The following NALCN variants were observed in gnomAD, a reference collection of about 807,000 sequenced individuals.
NALCN encodes the protein sodium leak channel, non-selective.
Under a neutral mutation model 225.3 loss-of-function variants are expected in NALCN, and 111 were observed. That is an observed-to-expected ratio of 0.49 (90% CI 0.42 to 0.58). The LOEUF (loss-of-function observed/expected upper bound fraction) is 0.58. Among genes scored for constraint, NALCN ranks in the 20% least tolerant of loss-of-function variants. NALCN has a pLI of 0.00. For missense variants in NALCN, 1,378 were observed against 2,202.4 expected, an observed-to-expected ratio of 0.63 and a Z score of 7.49; for synonymous variants, 764 against 769.0, an observed-to-expected ratio of 0.99 and a Z score of 0.11.
chr13:101,280,186 C>T (rs144380538), intron 10 of NALCN, among the ~76,000 whole-genome samples: 260 of 152,310 alleles, frequency 1.7e-3, no homozygotes, highest in Non-Finnish European at 3.0e-3. Flanking sequence ...ATGCACTCTT[C>T]ATTGCTGCCT....
intron 7 of NALCN, among the ~76,000 whole-genome samples, chr13:101,303,699 G>A (rs1018646549): frequency 6.6e-6 from 1 of 152,122 alleles, no homozygotes; most frequent in Non-Finnish European, 1.5e-5. Flanking sequence ...GCTGTGATCT[G>A]GCCTGCTTAT....
intron 10 of NALCN, among the ~76,000 whole-genome samples, chr13:101,279,877 A>AAAT (rs1053999426): frequency 2.0e-5 from 3 of 147,514 alleles, no homozygotes; most frequent in African/African-American, 7.4e-5. Flanking sequence ...ATAAATAAAT[A>AAAT]AAAAGAAGTG....
intron 7 of NALCN, among the ~76,000 whole-genome samples, chr13:101,310,431 C>T (rs1407134022): frequency 3.9e-5 from 6 of 152,174 alleles, no homozygotes; most frequent in African/African-American, 1.2e-4. Flanking sequence ...GGGCTGTTCC[C>T]GATGCCCTGC....
chr13:101,256,679 A>G (rs2042239696), intron 11 of NALCN, among the ~76,000 whole-genome samples: 1 of 151,956 alleles, frequency 6.6e-6, no homozygotes, highest in African/African-American at 2.4e-5. Context: ...AAAAACAGAA[A>G]TAACTTGATG....
At chr13:101,358,842 C>T (rs922042417) in intron 6 of NALCN, among the ~76,000 whole-genome samples, 7 of 152,302 alleles carry the variant, frequency 4.6e-5, no homozygotes, top group African/African-American at 1.4e-4. Flanking sequence ...GGGACATATA[C>T]ACCATGGAAT....
At chr13:101,393,266 G>A (rs535334500) in intron 3 of NALCN, among the ~76,000 whole-genome samples, 22 of 152,262 alleles carry the variant, frequency 1.4e-4, no homozygotes, top group African/African-American at 3.9e-4. Flanking sequence ...GTGGATTACC[G>A]TTTCCCACCC....
chr13:101,145,220 T>C (rs2037289558), intron 15 of NALCN, among the ~76,000 whole-genome samples: 1 of 152,212 alleles, frequency 6.6e-6, no homozygotes, highest in African/African-American at 2.4e-5. Flanking sequence ...TACTATTACT[T>C]GCATATTTAA....
intron 1 of NALCN, among the ~76,000 whole-genome samples, chr13:101,413,829 G>A (rs1321778461): frequency 6.6e-6 from 1 of 152,196 alleles, no homozygotes. Flanking sequence ...GGCGAGAATT[G>A]TATAACATGA....
chr13:101,263,631 G>A (rs1166010164), intron 10 of NALCN, among the ~76,000 whole-genome samples: 1 of 152,120 alleles, frequency 6.6e-6, no homozygotes, highest in African/African-American at 2.4e-5. Context: ...CTTCACTTTG[G>A]TGCTGTCATT....
intron 6 of NALCN, among the ~76,000 whole-genome samples, chr13:101,353,885 T>A (rs2045975169): frequency 6.6e-6 from 1 of 152,222 alleles, no homozygotes; most frequent in South Asian, 2.1e-4. Flanking sequence ...TAAATAGTTA[T>A]CTTGTTATAT....
rs568477201 is a variant in NALCN at position 101,348,117 on chromosome 13, A to C, written c.645-2697T>G. Among the ~76,000 whole-genome samples the C allele has an allele frequency of 5.9e-5, 9 of 152,278 alleles. No homozygotes were observed. In the South Asian group the frequency reaches 1.9e-3, roughly 32 times the overall value. ...ATTTTTAATTCCAAATACTTTTAAAAATACAATAGCAGAAATGTCTAAGAT... is the reference window on the plus strand; with the variant it reads ...ATTTTTAATTCCAAATACTTTTAAACATACAATAGCAGAAATGTCTAAGAT... On this transcript the variant is annotated intron_variant, in intron 6 of 43. Coordinates refer to ENST00000251127, the MANE Select transcript of NALCN (RefSeq NM_052867.4).
At chr13:101,142,102 T>C (rs1307066395) in intron 17 of NALCN, among the ~76,000 whole-genome samples, 1 of 151,832 alleles carries the variant, frequency 6.6e-6, no homozygotes, top group Non-Finnish European at 1.5e-5. Context: ...TATATAAATA[T>C]GTTTACTTAT....
At chr13:101,116,358 G>A in intron 18 of NALCN, 1 of 263,610 alleles carries the variant, frequency 3.8e-6, no homozygotes, top group Non-Finnish European at 7.6e-6. Flanking sequence ...GTTGGGGAAA[G>A]AGAATCATGT....
At position 101,099,714 on chromosome 13, in the gene NALCN, T is replaced by C. The variant is rs1379362160; in HGVS notation, c.3162+1070A>G. Among the ~76,000 whole-genome samples the C allele has an allele frequency of 2.6e-5, 4 of 152,292 alleles. No homozygotes were observed. The East Asian group carries it at 7.7e-4, about 29-fold the overall frequency. ...CACACAACTAAATTCCAGCCCCCCT[T>C]GCAGTATCTCTGCTCTTTACAGAGG... On this transcript the variant is annotated intron_variant, in intron 27 of 43. Coordinates refer to ENST00000251127, the MANE Select transcript of NALCN (RefSeq NM_052867.4).
rs931046023 is a variant in NALCN at position 101,276,011 on chromosome 13, C to A, written c.1134+7922G>T. 2.9e-5 allele frequency among the ~76,000 whole-genome samples: 4 copies of A among 140,304 alleles called. No homozygotes were observed. In the Admixed American group the frequency reaches 3.1e-4, roughly 11 times the overall value. The allele number at this position is 140,304 out of a possible 152,430, so 92.0% of individuals were successfully genotyped here. A position where few individuals can be genotyped will look rare whatever the true frequency, so the allele number is the denominator to read the frequency against. On this transcript the variant is annotated intron_variant, in intron 10 of 43. Transcript: ENST00000251127. ...CCTGGGAGGTAGAGGTTGCAGTGAGCCGAGATCGCACCAATGCACTCCAGC... is the reference window on the plus strand; with the variant it reads ...CCTGGGAGGTAGAGGTTGCAGTGAGACGAGATCGCACCAATGCACTCCAGC...
chr13:101,292,172 C>G lies in NALCN; in HGVS notation c.942+52G>C. On this transcript the variant is annotated intron_variant, in intron 8 of 43. Transcript: ENST00000251127. This position sits in a 1 kb window ranked among gnomAD's most constrained non-coding sequence, Gnocchi z 4.3. ...GGGCAACCAAAACCAAACAAAAGAT[C>G]TGCAGAACTATCACAGAACATAGAC... The G allele has an allele frequency of 1.2e-6, 2 of 1,612,528 alleles. No individual in the cohort carries two copies. Among genetic ancestry groups the G allele is most frequent in the South Asian group, 2.2e-5 (2 of 90,960 alleles).
intron 9 of NALCN, among the ~76,000 whole-genome samples, chr13:101,289,865 G>A (rs2139038430): frequency 6.6e-6 from 1 of 152,224 alleles, no homozygotes; most frequent in South Asian, 2.1e-4. Context: ...GGCAAATTAT[G>A]TCTCTCCCTT....
chr13:101,208,567 T>C (rs1487595821), intron 13 of NALCN, among the ~76,000 whole-genome samples: 2 of 152,220 alleles, frequency 1.3e-5, no homozygotes, highest in Admixed American at 1.3e-4. Flanking sequence ...TATATGGTGA[T>C]ATGGTTTGCA....
chr13:101,081,569 C>T lies in NALCN; in HGVS notation c.3843G>A (p.Thr1281=), dbSNP rs151200877. The T allele has an allele frequency of 1.8e-4, 289 of 1,614,112 alleles. No individual in the cohort carries two copies. Among genetic ancestry groups the T allele is most frequent in the African/African-American group, 1.6e-3 (117 of 75,032 alleles). ...GCACCACCCATACAACGCCAAGCGA[C>T]GTCACCAGGAGATCGTATCGGTTTC... ...SRRNRYDLLV[T]SLGVVWVVLH... Residue 1281 remains threonine (T), a synonymous_variant, in exon 34 of 44, where the codon ACG becomes ACA. Coordinates refer to ENST00000251127, the MANE Select transcript of NALCN (RefSeq NM_052867.4).
Sources: allele counts gnomAD v4.1 joint callset (sites outside exome capture counted in the v4.1 genomes callset), GRCh38; gene constraint gnomAD v4.1.1; non-coding constraint Gnocchi (gnomAD v3.1); transcripts MANE v1.5; gene names NCBI Gene and HGNC (gene_info 2026-07-23, HGNC 2026-07-21).